KCNIP4: variants seen among roughly 807,000 people sequenced by gnomAD.
The protein encoded by KCNIP4 is potassium voltage-gated channel interacting protein 4.
Under a neutral mutation model 34.0 loss-of-function variants are expected in KCNIP4, and 12 were observed. That is an observed-to-expected ratio of 0.35 (90% CI 0.23 to 0.57). The LOEUF (loss-of-function observed/expected upper bound fraction) is 0.57, where lower values mean the gene tolerates loss of function less well. KCNIP4 is among the 20% of genes least tolerant of loss of function. KCNIP4 has a pLI of 0.83. For missense variants in KCNIP4, 238 were observed against 311.7 expected, an observed-to-expected ratio of 0.76 and a Z score of 1.78; for synonymous variants, 124 against 102.2, an observed-to-expected ratio of 1.21 and a Z score of -1.29.
At chr4:21,080,215 G>T in intron 1 of KCNIP4, among the ~76,000 whole-genome samples, 1 of 151,768 alleles carries the variant, frequency 6.6e-6, no homozygotes, top group East Asian at 1.9e-4. Context: ...TCCCAGGCAA[G>T]TTATTAAATT....
chr4:21,058,926 C>T (rs964449735), intron 1 of KCNIP4, among the ~76,000 whole-genome samples: 16 of 152,028 alleles, frequency 1.1e-4, no homozygotes, highest in African/African-American at 3.6e-4. Flanking sequence ...ATAATTCTCA[C>T]GTGTCATGGG....
intron 3 of KCNIP4, among the ~76,000 whole-genome samples, chr4:20,815,112 A>G (rs1716219662): frequency 6.6e-6 from 1 of 152,196 alleles, no homozygotes; most frequent in South Asian, 2.1e-4. Context: ...AATCATTATT[A>G]TTGTAATGCC....
At chr4:21,444,045 G>A (rs1266284921) in intron 1 of KCNIP4, among the ~76,000 whole-genome samples, 7 of 152,016 alleles carry the variant, frequency 4.6e-5, no homozygotes, top group Admixed American at 3.9e-4. Context: ...TAAATTCCTC[G>A]ACACATACAC....
At chr4:21,924,732 T>G (rs1478883877) in intron 1 of KCNIP4, among the ~76,000 whole-genome samples, 1 of 152,112 alleles carries the variant, frequency 6.6e-6, no homozygotes, top group East Asian at 1.9e-4. Context: ...TTCAAATAAT[T>G]TTCTCAACAC....
At chr4:21,603,129 A>G (rs1743334413) in intron 1 of KCNIP4, among the ~76,000 whole-genome samples, 2 of 152,198 alleles carry the variant, frequency 1.3e-5, no homozygotes, top group African/African-American at 2.4e-5. Flanking sequence ...GCTTTAAAAC[A>G]TCTTTTATCA....
chr4:21,268,173 C>T (rs1263847736), intron 1 of KCNIP4, among the ~76,000 whole-genome samples: 1 of 152,140 alleles, frequency 6.6e-6, no homozygotes, highest in Non-Finnish European at 1.5e-5. Context: ...TTTCATGTAT[C>T]AATCTTTCTA....
At chr4:21,776,497 A>G (rs1480527569) in intron 1 of KCNIP4, among the ~76,000 whole-genome samples, 1 of 152,196 alleles carries the variant, frequency 6.6e-6, no homozygotes, top group Middle Eastern at 3.2e-3. Context: ...TCACAAAGTT[A>G]GCTCTGGCAA....
Position 21,888,102 on chromosome 4 carries a change from G to A in KCNIP4, c.61+60469C>T, listed in dbSNP as rs948386533. Among the ~76,000 whole-genome samples, 10 of 152,158 alleles carry A rather than the reference G, an allele frequency of 6.6e-5. No individual in the cohort carries two copies. In the East Asian group the frequency reaches 7.7e-4, roughly 12 times the overall value. ...ATTATTAGGTATGATTATTATCACC[G>A]CTTTACAGAGAAGAAAATTAAGGCA... is the stretch of plus-strand genomic sequence containing the variant. On this transcript the variant is annotated intron_variant, in intron 1 of 8. Coordinates refer to ENST00000382152, the MANE Select transcript of KCNIP4 (RefSeq NM_025221.6).
chr4:21,453,199 T>C (rs765608690), intron 1 of KCNIP4, among the ~76,000 whole-genome samples: 10 of 152,000 alleles, frequency 6.6e-5, no homozygotes, highest in African/African-American at 2.2e-4. Context: ...ATTTAAAGCA[T>C]CTAAGATCCC....
chr4:21,320,759 C>T (rs1227230116), intron 1 of KCNIP4, among the ~76,000 whole-genome samples: 1 of 151,796 alleles, frequency 6.6e-6, no homozygotes, highest in Non-Finnish European at 1.5e-5. Flanking sequence ...TCACTTGAGG[C>T]CAGGAATTTC....
intron 5 of KCNIP4, among the ~76,000 whole-genome samples, chr4:20,744,402 A>C (rs753708562): frequency 1.6e-4 from 24 of 152,216 alleles, no homozygotes; most frequent in Admixed American, 4.6e-4. Context: ...AATGTGGCAC[A>C]TATACTGGAT....
intron 1 of KCNIP4, among the ~76,000 whole-genome samples, chr4:21,774,319 G>A (rs1014488169): frequency 2.0e-5 from 3 of 152,146 alleles, no homozygotes; most frequent in African/African-American, 7.2e-5. Flanking sequence ...TTAGTCTGAT[G>A]GGCTTCCCTT....
At chr4:21,847,871 A>T (rs960453071) in intron 1 of KCNIP4, 1 of 150,926 alleles carries the variant, frequency 6.6e-6, no homozygotes, top group African/African-American at 2.4e-5. Flanking sequence ...CTCTTTGCTC[A>T]GTTTTATTTT....
chr4:21,504,433 A>C (rs1184953328), intron 1 of KCNIP4, among the ~76,000 whole-genome samples: 1 of 144,734 alleles, frequency 6.9e-6, no homozygotes, highest in Non-Finnish European at 1.5e-5. Context: ...ATGCCACTGC[A>C]CTCCAGCCTG....
At chr4:21,661,088 A>C (rs1288027950) in intron 1 of KCNIP4, among the ~76,000 whole-genome samples, 1 of 152,182 alleles carries the variant, frequency 6.6e-6, no homozygotes, top group African/African-American at 2.4e-5. Flanking sequence ...GAAGAGAGGA[A>C]GTGTCTGAAC....
chr4:20,972,857 G>A (rs1735108437), intron 1 of KCNIP4, among the ~76,000 whole-genome samples: 1 of 152,182 alleles, frequency 6.6e-6, no homozygotes, highest in South Asian at 2.1e-4. Flanking sequence ...AACTGCAAAT[G>A]TGATGGAAAT....
At chr4:21,669,280 G>A (rs1416946588) in intron 1 of KCNIP4, among the ~76,000 whole-genome samples, 1 of 152,028 alleles carries the variant, frequency 6.6e-6, no homozygotes, top group African/African-American at 2.4e-5. Context: ...GCGTGCCAAC[G>A]TAGAGACAGA....
chr4:21,407,311 G>T (rs1180129242), intron 1 of KCNIP4, among the ~76,000 whole-genome samples: 1 of 151,748 alleles, frequency 6.6e-6, no homozygotes, highest in Non-Finnish European at 1.5e-5. Context: ...AACCATCCAG[G>T]TTAGCCCTAT....
At chr4:21,314,255 T>C (rs1314392794) in intron 1 of KCNIP4, among the ~76,000 whole-genome samples, 4 of 152,182 alleles carry the variant, frequency 2.6e-5, no homozygotes, top group Non-Finnish European at 5.9e-5. Flanking sequence ...GCCGATTAGG[T>C]CAGGCTCACT....
Sources: allele counts gnomAD v4.1 joint callset (sites outside exome capture counted in the v4.1 genomes callset), GRCh38; gene constraint gnomAD v4.1.1; transcripts MANE v1.5; gene names NCBI Gene and HGNC (gene_info 2026-07-23, HGNC 2026-07-21).